Variants in GRAMD1C observed in about 807,000 individuals in gnomAD.
The protein encoded by GRAMD1C is protein Aster-C.
In GRAMD1C, 89 loss-of-function variants were observed where a neutral mutation model predicts 97.8. The ratio of observed to expected loss-of-function variants is 0.91; its 90% confidence interval spans 0.77 to 1.09. The LOEUF (loss-of-function observed/expected upper bound fraction) is 1.09. GRAMD1C is among the 50% of genes least tolerant of loss of function. The pLI, the probability that GRAMD1C is intolerant of heterozygous loss-of-function variation, is 0.00. For missense variants in GRAMD1C, 740 were observed against 766.4 expected (o/e 0.97, Z 0.41); for synonymous variants, 256 against 267.0 (o/e 0.96, Z 0.40).
chr3:113,835,055 A>G (rs968656428), upstream of GRAMD1C, among the ~76,000 whole-genome samples: 1 of 152,126 alleles, frequency 6.6e-6, no homozygotes, highest in Non-Finnish European at 1.5e-5. Context: ...AGCTGTTTAC[A>G]TATTAGTGTG....
chr3:113,839,507 A>G (rs1464083459), intron 1 of GRAMD1C, among the ~76,000 whole-genome samples: 2 of 152,120 alleles, frequency 1.3e-5, no homozygotes, highest in Admixed American at 6.6e-5. Flanking sequence ...GTGTGTATGT[A>G]TTTTACTTTT....
intron 2 of GRAMD1C, among the ~76,000 whole-genome samples, chr3:113,858,984 C>T (rs1399565645): frequency 3.3e-5 from 5 of 152,094 alleles, no homozygotes; most frequent in Non-Finnish European, 5.9e-5. Context: ...TCTTTTTTGT[C>T]AGTCTTGCTA....
rs1577110348 is a variant in GRAMD1C, at chr3:113,838,798, C to A, written c.-112C>A. 1.4e-6 allele frequency: 1 copy of A among 721,038 alleles called. No homozygotes were observed. Among genetic ancestry groups the A allele is most frequent in the Non-Finnish European group, 1.9e-6 (1 of 525,808 alleles). The allele number at this position is 721,038 out of a possible 1,614,324, so 44.7% of individuals were successfully genotyped here. ...GCTGCGGCTGGAAGTACTCGGAGGG[C>A]CGGCGGAGGAGGCGCGCGGAGCCTG... is the stretch of plus-strand genomic sequence containing the variant. On this transcript the variant is annotated 5_prime_UTR_variant, in exon 1 of 18. Transcript: ENST00000358160.
intron 2 of GRAMD1C, among the ~76,000 whole-genome samples, chr3:113,847,144 C>A (rs1406166287): frequency 2.6e-5 from 4 of 152,094 alleles, no homozygotes; most frequent in South Asian, 2.1e-4. Context: ...CATAGAGATA[C>A]CAGCAAGAAA....
At chr3:113,872,391 C>CT (rs777339692) in intron 3 of GRAMD1C, among the ~76,000 whole-genome samples, 9,187 of 116,538 alleles carry the variant, frequency 0.079, 722 homozygotes, top group African/African-American at 0.15. Flanking sequence ...TCTTTTTTTT[C>CT]TTTTTTTTTT....
At position 113,877,938 on chromosome 3, in the gene GRAMD1C, C is replaced by A. The variant is rs190952637; in HGVS notation, c.459+1678C>A. On this transcript the variant is annotated intron_variant, in intron 5 of 17. Coordinates refer to ENST00000358160, the MANE Select transcript of GRAMD1C (RefSeq NM_017577.5). ...GATTACAGGCATACACCACCATGCCCAGCTTATCTTTTTGTATTTTTAGTA... is the reference window on the plus strand; with the variant it reads ...GATTACAGGCATACACCACCATGCCAAGCTTATCTTTTTGTATTTTTAGTA... Among the ~76,000 whole-genome samples the A allele has an allele frequency of 4.2e-3, 635 of 152,194 alleles. 12 individuals are homozygous for A. The highest frequency in any genetic ancestry group is 0.035 in the South Asian group (170 of 4,824).
At chr3:113,862,839 C>A (rs1388607999) in intron 2 of GRAMD1C, among the ~76,000 whole-genome samples, 2 of 152,174 alleles carry the variant, frequency 1.3e-5, no homozygotes, top group African/African-American at 4.8e-5. Flanking sequence ...TCTGCCATGG[C>A]TTCAGCCGGT....
upstream of GRAMD1C, among the ~76,000 whole-genome samples, chr3:113,833,936 C>T (rs924200523): frequency 6.6e-5 from 10 of 152,124 alleles, no homozygotes; most frequent in African/African-American, 2.4e-4. Context: ...TATTATGAAA[C>T]TGCACAGAAT....
At position 113,946,874 on chromosome 3, in the gene GRAMD1C, G is replaced by A. The variant is rs1348124079; in HGVS notation, c.*1396G>A. The A allele has an allele frequency of 6.6e-6, 1 of 152,200 alleles. No homozygotes were observed. The highest frequency in any genetic ancestry group is 6.5e-5 in the Admixed American group (1 of 15,282). 9.4% of individuals were successfully genotyped at this position (152,200 alleles called of 1,614,324 possible). A position where few individuals can be genotyped will look rare whatever the true frequency, so the allele number is the denominator to read the frequency against. On this transcript the variant is annotated 3_prime_UTR_variant, in exon 18 of 18. Transcript: ENST00000358160. ...GAATTCCAACGAAGCATACCTAGGG[G>A]TAACAGTGAACCTACCTGGGTTTGT...
At chr3:113,884,555 G>T (rs923717625) in intron 6 of GRAMD1C, among the ~76,000 whole-genome samples, 1 of 152,138 alleles carries the variant, frequency 6.6e-6, no homozygotes, top group Non-Finnish European at 1.5e-5. Flanking sequence ...ATTAGAGGCC[G>T]GGCGCGGTGG....
At position 113,930,759 on chromosome 3, in the gene GRAMD1C, T is replaced by C; in HGVS notation, c.1136T>C (p.Leu379Pro). The change falls in exon 11 of 18, where the codon CTG becomes CCG. Residue 379 changes from leucine (L) to proline (P), a missense_variant. Physicochemically the swap from Leu to Pro is moderately conservative, Grantham distance 98. Coordinates refer to ENST00000358160, the MANE Select transcript of GRAMD1C (RefSeq NM_017577.5). ...ACTGCAGAACTTGGAGGTGATCAGCTGAGAACGATGACCTACACTATAGTC... is the reference window on the plus strand; with the variant it reads ...ACTGCAGAACTTGGAGGTGATCAGCCGAGAACGATGACCTACACTATAGTC... ...PWTAELGGDQLRTMTYTIVLN... is the reference protein window; with the variant it reads ...PWTAELGGDQPRTMTYTIVLN... 3.7e-6 allele frequency: 6 copies of C among 1,611,914 alleles called. No homozygotes were observed. The highest frequency in any genetic ancestry group is 5.1e-6 in the Non-Finnish European group (6 of 1,178,074).
Position 113,945,529 on chromosome 3 carries a change from C to A in GRAMD1C, c.*51C>A. ...GATACTTGGAACTTAAAGAAAATAC[C>A]TGGAAGAAAACCAGACGAATGAAGG... On this transcript the variant is annotated 3_prime_UTR_variant, in exon 18 of 18. Transcript: ENST00000358160. 3 of 961,352 alleles carry A rather than the reference C, an allele frequency of 3.1e-6. No homozygotes were observed. Among genetic ancestry groups the A allele is most frequent in the African/African-American group, 1.6e-5 (1 of 60,864 alleles). The allele number at this position is 961,352 out of a possible 1,614,324, so 59.6% of individuals were successfully genotyped here. A position where few individuals can be genotyped will look rare whatever the true frequency, so the allele number is the denominator to read the frequency against.
At chr3:113,833,687 G>A (rs1459847408) in intron 1 of GRAMD1C, among the ~76,000 whole-genome samples, 1 of 152,138 alleles carries the variant, frequency 6.6e-6, no homozygotes, top group East Asian at 1.9e-4. Context: ...AGTAGGGGAT[G>A]GTACCAGGGT....
intron 2 of GRAMD1C, among the ~76,000 whole-genome samples, chr3:113,869,031 C>A (rs567799946): frequency 5.3e-5 from 8 of 152,160 alleles, no homozygotes; most frequent in Middle Eastern, 3.4e-3. Flanking sequence ...CAATCCAAAT[C>A]ACAGCTCAAC....
chr3:113,913,233 A>G (rs1430069556), intron 9 of GRAMD1C: 1 of 515,816 alleles, frequency 1.9e-6, no homozygotes, highest in Non-Finnish European at 3.4e-6. Context: ...GGTCCTTCCA[A>G]AGTAGTTTCA....
chr3:113,861,186 C>T (rs975442526), intron 2 of GRAMD1C, among the ~76,000 whole-genome samples: 9 of 152,070 alleles, frequency 5.9e-5, no homozygotes, highest in African/African-American at 2.2e-4. Flanking sequence ...ATACACGAAT[C>T]AACTTGAAAT....
chr3:113,839,611 G>A (rs1709726552), intron 1 of GRAMD1C, among the ~76,000 whole-genome samples: 1 of 152,130 alleles, frequency 6.6e-6, no homozygotes, highest in African/African-American at 2.4e-5. Context: ...ACAGATGAAT[G>A]AGTGTTATTT....
At chr3:113,843,945 A>C (rs1358456825) in intron 1 of GRAMD1C, among the ~76,000 whole-genome samples, 1 of 152,232 alleles carries the variant, frequency 6.6e-6, no homozygotes, top group African/African-American at 2.4e-5. Flanking sequence ...TGGGCATTGC[A>C]AATTGTTCTC....
intron 5 of GRAMD1C, among the ~76,000 whole-genome samples, chr3:113,878,844 T>C (rs1434278077): frequency 6.6e-6 from 1 of 152,102 alleles, no homozygotes; most frequent in Non-Finnish European, 1.5e-5. Flanking sequence ...GATGCCTCAT[T>C]GCCTGAGTTG....
Sources: gnomAD v4.1 joint callset for allele counts (sites outside exome capture counted in the v4.1 genomes callset) on GRCh38, gnomAD v4.1.1 for gene constraint, MANE v1.5 for transcripts, NCBI Gene and HGNC (gene_info 2026-07-23, HGNC 2026-07-21) for gene names.